Variants in ELAPOR2 observed in about 807,000 individuals in gnomAD.
ELAPOR2 encodes the protein endosome/lysosome-associated apoptosis and autophagy regulator family member 2.
A neutral mutation model predicts 120.7 loss-of-function variants in ELAPOR2; 89 were observed. The observed-to-expected ratio is 0.74, with a 90% CI of 0.62 to 0.88. The LOEUF is 0.88. Among genes scored for constraint, ELAPOR2 ranks in the 40% least tolerant of loss-of-function variants. The pLI is 0.00. For missense variants in ELAPOR2, 1,134 were observed against 1,251.6 expected, an observed-to-expected ratio of 0.91 and a Z score of 1.42; for synonymous variants, 444 against 444.9, an observed-to-expected ratio of 1.00 and a Z score of 0.03.
At chr7:86,958,049 T>C (rs912377717) in intron 2 of ELAPOR2, among the ~76,000 whole-genome samples, 2 of 152,060 alleles carry the variant, frequency 1.3e-5, no homozygotes, top group African/African-American at 4.8e-5. Flanking sequence ...GAGGTAAATG[T>C]TAGGGGTGTG....
rs769104395 is a variant in ELAPOR2 at position 86,897,619 on chromosome 7, C to A, written c.2572G>T (p.Gly858Cys). Reference protein sequence around the residue: ...VISVPSKCPAGTCDGCTFYFL... With the variant: ...VISVPSKCPACTCDGCTFYFL... Reference sequence around the variant, plus strand: ...TAGAACGTACACCCATCACAGGTACCTGCTGGGCACTTGCTAAAATCATAA... The same window carrying A: ...TAGAACGTACACCCATCACAGGTACATGCTGGGCACTTGCTAAAATCATAA... Residue 858 changes from glycine to cysteine, a missense_variant, in exon 19 of 22, where the codon GGT (glycine) becomes TGT (cysteine). Around this residue, in one of 3 missense-constraint regions of ELAPOR2, gnomAD observed 831 missense variants for 867.6 expected, o/e 0.96. Transcript: ENST00000450689. The A allele has an allele frequency of 5.6e-6, 9 of 1,613,100 alleles. No homozygotes were observed. Among genetic ancestry groups the A allele is most frequent in the Non-Finnish European group, 7.6e-6 (9 of 1,179,414 alleles).
chr7:87,044,614 G>T (rs963714721), intron 1 of ELAPOR2, among the ~76,000 whole-genome samples: 3 of 151,638 alleles, frequency 2.0e-5, no homozygotes, highest in Admixed American at 2.0e-4. Context: ...ATTCAAGATG[G>T]ATTAAAGACT....
chr7:86,967,327 G>A (rs887991393), intron 1 of ELAPOR2, among the ~76,000 whole-genome samples: 1 of 152,064 alleles, frequency 6.6e-6, no homozygotes, highest in Non-Finnish European at 1.5e-5. Flanking sequence ...GGGCGTGGTG[G>A]TGTGCGCTTC....
intron 18 of ELAPOR2, among the ~76,000 whole-genome samples, chr7:86,898,459 C>T (rs1788548640): frequency 6.7e-6 from 1 of 150,272 alleles, no homozygotes; most frequent in African/African-American, 2.5e-5. Flanking sequence ...ATACTCTAAA[C>T]ACCACTGAAT....
intron 8 of ELAPOR2, among the ~76,000 whole-genome samples, chr7:86,936,914 G>A (rs757091395): frequency 7.9e-5 from 12 of 151,954 alleles, no homozygotes; most frequent in Non-Finnish European, 1.6e-4. Context: ...CCTCAGTAAC[G>A]ATGAACTGAT....
At chr7:86,941,906 A>T in intron 5 of ELAPOR2, 112 bp downstream of exon 5, 1 of 614,430 alleles carries the variant, frequency 1.6e-6, no homozygotes, top group South Asian at 2.3e-5. Context: ...CTTAAAATAT[A>T]CTTTTCTTAA....
At chr7:86,887,284 C>T (rs1292922630) in intron 21 of ELAPOR2, among the ~76,000 whole-genome samples, 1 of 152,030 alleles carries the variant, frequency 6.6e-6, no homozygotes, top group African/African-American at 2.4e-5. Flanking sequence ...CCATCATCTC[C>T]CCCAACATGG....
At position 86,913,093 on chromosome 7, in the gene ELAPOR2, C is replaced by G; in HGVS notation, c.1843G>C (p.Gly615Arg). 1.9e-6 allele frequency: 3 copies of G among 1,614,030 alleles called. No homozygotes were observed. Among genetic ancestry groups the G allele is most frequent in the Non-Finnish European group, 2.5e-6 (3 of 1,179,978 alleles). ...GGAGGGCAGGGGACACACGATGAACCCGACTGTTCAGAACCGAGGGCACAG... is the reference window on the plus strand; with the variant it reads ...GGAGGGCAGGGGACACACGATGAACGCGACTGTTCAGAACCGAGGGCACAG... ...RACALGSEQS[G>R]SSCVPCPPGH... The change falls in exon 14 of 22, where the codon GGT becomes CGT. Residue 615 changes from glycine (G) to arginine (R), a missense_variant. By Grantham distance (125) the Gly-to-Arg change is moderately radical (BLOSUM62 -2). Around this residue, in one of 3 missense-constraint regions of ELAPOR2, gnomAD observed 831 missense variants for 867.6 expected, o/e 0.96. Transcript: ENST00000450689.
At chr7:86,987,005 C>T (rs1334299539) in intron 1 of ELAPOR2, among the ~76,000 whole-genome samples, 3 of 150,450 alleles carry the variant, frequency 2.0e-5, no homozygotes, top group African/African-American at 7.4e-5. Flanking sequence ...GAGACATAGA[C>T]CAATGGAATA....
intron 2 of ELAPOR2, among the ~76,000 whole-genome samples, chr7:86,950,726 C>A (rs1011581578): frequency 6.6e-6 from 1 of 152,206 alleles, no homozygotes; most frequent in Non-Finnish European, 1.5e-5. Flanking sequence ...GGGACCCAGG[C>A]CAGTAGAGTG....
intron 18 of ELAPOR2, among the ~76,000 whole-genome samples, chr7:86,898,761 A>G (rs1788568941): frequency 6.6e-6 from 1 of 152,116 alleles, no homozygotes; most frequent in South Asian, 2.1e-4. Flanking sequence ...GAGCAACGCA[A>G]TGAGTGAGTG....
At position 86,877,169 on chromosome 7, in the gene ELAPOR2, A is replaced by G. The variant is rs1006187718; in HGVS notation, c.*3302T>C. 2.0e-5 allele frequency: 3 copies of G among 152,196 alleles called. No individual in the cohort carries two copies. The highest frequency in any genetic ancestry group is 4.4e-5 in the Non-Finnish European group (3 of 68,030). The allele number at this position is 152,196 out of a possible 1,614,324, so 9.4% of individuals were successfully genotyped here. A position where few individuals can be genotyped will look rare whatever the true frequency, so the allele number is the denominator to read the frequency against. On this transcript the variant is annotated 3_prime_UTR_variant, in exon 22 of 22. Coordinates refer to ENST00000450689, the MANE Select transcript of ELAPOR2 (RefSeq NM_001142749.3). The stretch of plus-strand genomic sequence containing the variant: ...ATTCTCTTTTCAATTATTCATTCCC[A>G]TCTTAAAGTTTTACTTCTTTCATTT...
At chr7:87,007,034 G>T (rs775328006) in intron 1 of ELAPOR2, among the ~76,000 whole-genome samples, 2 of 152,194 alleles carry the variant, frequency 1.3e-5, no homozygotes, top group African/African-American at 2.4e-5. Flanking sequence ...AAAAGAGTCA[G>T]AAAAGTGTTT....
intron 1 of ELAPOR2, among the ~76,000 whole-genome samples, chr7:87,007,059 G>C (rs1372859241): frequency 6.6e-6 from 1 of 152,190 alleles, no homozygotes; most frequent in Non-Finnish European, 1.5e-5. Context: ...CTGGGCAGCA[G>C]AGTTGGAGAG....
At chr7:86,884,205 A>G (rs1345464766) in intron 21 of ELAPOR2, among the ~76,000 whole-genome samples, 2 of 152,202 alleles carry the variant, frequency 1.3e-5, no homozygotes, top group Admixed American at 1.3e-4. Context: ...TCAGGGAAGA[A>G]AACTTTTTTA....
chr7:87,023,973 G>T (rs566792986), intron 1 of ELAPOR2, among the ~76,000 whole-genome samples: 26 of 152,252 alleles, frequency 1.7e-4, no homozygotes, highest in African/African-American at 6.3e-4. Context: ...GGGCTGAGAC[G>T]ATGGGGTTTT....
chr7:87,013,307 G>A (rs1020713373), intron 1 of ELAPOR2, among the ~76,000 whole-genome samples: 1 of 152,016 alleles, frequency 6.6e-6, no homozygotes, highest in African/African-American at 2.4e-5. Context: ...GGTAAAAAAT[G>A]TTAACAAATA....
At chr7:86,951,705 A>T (rs1584388590) in intron 2 of ELAPOR2, among the ~76,000 whole-genome samples, 2 of 152,358 alleles carry the variant, frequency 1.3e-5, no homozygotes, top group South Asian at 2.1e-4. Flanking sequence ...CTTATGGAAA[A>T]TACAGGGTTA....
At chr7:87,042,837 G>A (rs1794827883) in intron 1 of ELAPOR2, among the ~76,000 whole-genome samples, 1 of 151,916 alleles carries the variant, frequency 6.6e-6, no homozygotes, top group South Asian at 2.1e-4. Context: ...TTTTTTGAAA[G>A]GATCAACAAA....
Sources: gnomAD v4.1 joint callset for allele counts (sites outside exome capture counted in the v4.1 genomes callset) on GRCh38, gnomAD v4.1.1 for gene constraint, gnomAD v4.1.1 regional missense constraint, MANE v1.5 for transcripts, NCBI Gene and HGNC (gene_info 2026-07-23, HGNC 2026-07-21) for gene names.